MOXD1: variants seen among roughly 807,000 people sequenced by gnomAD.
MOXD1 encodes monooxygenase DBH like 1, also known as DBH-like monooxygenase protein 1.
In MOXD1, 62 loss-of-function variants were observed where a neutral mutation model predicts 66.6. The observed-to-expected ratio is 0.93, with a 90% CI of 0.76 to 1.15. The LOEUF (loss-of-function observed/expected upper bound fraction) is 1.15. Among genes scored for constraint, MOXD1 ranks in the 50% most tolerant of loss-of-function variants. MOXD1 has a pLI of 0.00. For synonymous variants in MOXD1, 303 were observed against 281.9 expected (o/e 1.07, Z -0.75); for missense variants, 847 against 754.6 (o/e 1.12, Z -1.44).
At position 132,364,430 on chromosome 6, in the gene MOXD1, G is replaced by A. The variant is rs147064761; in HGVS notation, c.663+8178C>T. On this transcript the variant is annotated intron_variant, in intron 4 of 11. Coordinates refer to ENST00000367963, the MANE Select transcript of MOXD1 (RefSeq NM_015529.4). Reference sequence around the variant, plus strand: ...GCAATGACGAGCCTATTATGCAACAGGTGTTTTCACTTGTTTTCATTTCAT... The same window carrying A: ...GCAATGACGAGCCTATTATGCAACAAGTGTTTTCACTTGTTTTCATTTCAT... Among the ~76,000 whole-genome samples the A allele has an allele frequency of 2.4e-3, 361 of 152,196 alleles. 4 individuals are homozygous for A. The highest frequency in any genetic ancestry group is 2.5e-3 in the East Asian group (13 of 5,180).
chr6:132,323,941 C>A lies in MOXD1; in HGVS notation c.1103G>T (p.Cys368Phe). The A allele has an allele frequency of 6.2e-7, 1 of 1,607,386 alleles. No homozygotes were observed. The highest frequency in any genetic ancestry group is 8.5e-7 in the Non-Finnish European group (1 of 1,177,928). ...TCAGATGCTGCATACCTCTTCCAGG[C>A]ACTCCAAAGTGCAGTGACCCTCAGA... ...FQSEGHCTLE[C>F]LEEALEAEKP... Residue 368 changes from cysteine to phenylalanine, a missense_variant, in exon 7 of 12, where the codon TGC becomes TTC. By Grantham distance (205) the Cys-to-Phe change is radical (BLOSUM62 -2). Transcript: ENST00000367963.
chr6:132,297,911 A>G lies in MOXD1; in HGVS notation c.1553T>C (p.Leu518Pro), dbSNP rs916791812. ...CTTATTCATAGCATCCATGAAAGAA[A>G]GGTTTTTATATTGCTTGGGACTTTT... ...IIKSPKQYKN[L>P]SFMDAMNKFK... The change falls in exon 11 of 12, where the codon CTT becomes CCT. Residue 518 changes from leucine to proline, a missense_variant. By Grantham distance (98) the Leu-to-Pro change is moderately conservative. Transcript: ENST00000367963. 4 of 1,612,936 alleles carry G rather than the reference A, an allele frequency of 2.5e-6. No individual in the cohort carries two copies. The highest frequency in any genetic ancestry group is 1.7e-4 in the Middle Eastern group (1 of 6,048).
At chr6:132,366,444 G>A (rs753188633) in intron 4 of MOXD1, among the ~76,000 whole-genome samples, 4 of 152,052 alleles carry the variant, frequency 2.6e-5, no homozygotes, top group South Asian at 2.1e-4. Context: ...AGAACTAGAC[G>A]GGGCAGTCTG....
chr6:132,343,216 T>C lies in MOXD1; in HGVS notation c.664-14622A>G, dbSNP rs557860504. On this transcript the variant is annotated intron_variant, in intron 4 of 11. Transcript: ENST00000367963. ...AACAAAAGGCTTAATTCCCTTAATATAAAAAGTTCTGATAAAACAAGTCAA... is the reference window on the plus strand; with the variant it reads ...AACAAAAGGCTTAATTCCCTTAATACAAAAAGTTCTGATAAAACAAGTCAA... Among the ~76,000 whole-genome samples the C allele has an allele frequency of 1.2e-4, 18 of 152,248 alleles. No individual in the cohort carries two copies. In the South Asian group the frequency reaches 3.5e-3, roughly 30 times the overall value.
At chr6:132,399,932 A>C (rs1431874332) in intron 1 of MOXD1, among the ~76,000 whole-genome samples, 2 of 152,264 alleles carry the variant, frequency 1.3e-5, no homozygotes, top group African/African-American at 4.8e-5. Flanking sequence ...ATATTTATAC[A>C]TCAGTGACTT....
intron 10 of MOXD1, among the ~76,000 whole-genome samples, chr6:132,310,064 C>T (rs990678779): frequency 1.3e-5 from 2 of 152,148 alleles, no homozygotes; most frequent in East Asian, 1.9e-4. Flanking sequence ...ATCAAAGAGA[C>T]AACCTACAGA....
chr6:132,307,859 G>A (rs1256208719), intron 10 of MOXD1, among the ~76,000 whole-genome samples: 1 of 152,040 alleles, frequency 6.6e-6, no homozygotes, highest in African/African-American at 2.4e-5. Flanking sequence ...CTGGGACACA[G>A]CTAAAGCAGT....
rs367826515 is a variant in MOXD1, at chr6:132,374,823, G to C, written c.265-46C>G. Reference sequence around the variant, plus strand: ...AAAAATCAGGATACCTAAATACAGAGAGAAAAGAATTCATAGGACCTTTAA... The same window carrying C: ...AAAAATCAGGATACCTAAATACAGACAGAAAAGAATTCATAGGACCTTTAA... On this transcript the variant is annotated intron_variant, in intron 1 of 11. Coordinates refer to ENST00000367963, the MANE Select transcript of MOXD1 (RefSeq NM_015529.4). 49 of 1,545,862 alleles carry C rather than the reference G, an allele frequency of 3.2e-5. No homozygotes were observed. In the Middle Eastern group the frequency reaches 6.9e-4, roughly 22 times the overall value.
rs1204643540 is a variant in MOXD1, at chr6:132,296,491, CT to C, written c.*661del. On this transcript the variant is annotated 3_prime_UTR_variant, in exon 12 of 12. Coordinates refer to ENST00000367963, the MANE Select transcript of MOXD1 (RefSeq NM_015529.4). ...GATAGTGACAGAGCTCTAGAAAAAA[CT>C]CATCTGGCCAGTACTAAACAGGGAA... is the stretch of plus-strand genomic sequence containing the variant. 1.3e-5 allele frequency: 2 copies of C among 152,128 alleles called. No individual in the cohort carries two copies. Among genetic ancestry groups the C allele is most frequent in the African/African-American group, 4.8e-5 (2 of 41,426 alleles). 9.4% of individuals were successfully genotyped at this position (152,128 alleles called of 1,614,324 possible). A position where few individuals can be genotyped will look rare whatever the true frequency, so the allele number is the denominator to read the frequency against.
At chr6:132,388,057 A>AT (rs1776687848) in intron 1 of MOXD1, among the ~76,000 whole-genome samples, 1 of 151,362 alleles carries the variant, frequency 6.6e-6, no homozygotes, top group Non-Finnish European at 1.5e-5. Context: ...TTTTTCAAAA[A>AT]TTACTATAAT....
rs1775458414 is a variant in MOXD1 at position 132,337,171 on chromosome 6, T to C, written c.664-8577A>G. 2.6e-5 allele frequency among the ~76,000 whole-genome samples: 4 copies of C among 152,374 alleles called. No homozygotes were observed. The South Asian group carries it at 8.3e-4, about 32-fold the overall frequency. ...TTATTTACTCAAGTTTTCCTCTTAA[T>C]AAATGAATCGATACATTCCTTTCTT... On this transcript the variant is annotated intron_variant, in intron 4 of 11. Coordinates refer to ENST00000367963, the MANE Select transcript of MOXD1 (RefSeq NM_015529.4).
intron 4 of MOXD1, among the ~76,000 whole-genome samples, chr6:132,339,864 G>A (rs1253103316): frequency 5.7e-5 from 8 of 140,378 alleles, no homozygotes; most frequent in Admixed American, 4.9e-4. Flanking sequence ...TGAAGCTACA[G>A]CTCTTTTTTT....
chr6:132,357,429 A>G (rs1248058941), intron 4 of MOXD1, among the ~76,000 whole-genome samples: 1 of 152,114 alleles, frequency 6.6e-6, no homozygotes, highest in African/African-American at 2.4e-5. Context: ...GCCTTACTAA[A>G]CAAATCAGGT....
intron 1 of MOXD1, among the ~76,000 whole-genome samples, chr6:132,399,595 A>G (rs1776974720): frequency 6.6e-6 from 1 of 152,202 alleles, no homozygotes; most frequent in African/African-American, 2.4e-5. Flanking sequence ...TTTTCATTTG[A>G]CATACAATTG....
chr6:132,378,320 C>T (rs1011503886), intron 1 of MOXD1, among the ~76,000 whole-genome samples: 2 of 152,038 alleles, frequency 1.3e-5, no homozygotes, highest in Admixed American at 1.3e-4. Context: ...GAAGACACCT[C>T]CCAAAACAAA....
chr6:132,340,483 G>T, intron 4 of MOXD1, among the ~76,000 whole-genome samples: 1 of 145,918 alleles, frequency 6.9e-6, no homozygotes, highest in Non-Finnish European at 1.5e-5. Context: ...AATAGGTTAA[G>T]GTGGAAATTT....
rs769081184 is a variant in MOXD1, at chr6:132,328,079, C to T, written c.880G>A (p.Gly294Ser). 1 of 1,613,738 alleles carries T rather than the reference C, an allele frequency of 6.2e-7. No homozygotes were observed. Among genetic ancestry groups the T allele is most frequent in the Non-Finnish European group, 8.5e-7 (1 of 1,179,810 alleles). ...SYPPHVGLSL[G>S]TPLDPHYVLL... ...ACATAATGCGGATCTAATGGAGTGC[C>T]AAGGGATAATCCAACATGAGGTGGA... The change falls in exon 6 of 12, where the codon GGC (glycine) becomes AGC (serine). Residue 294 changes from glycine (G) to serine (S), a missense_variant. Gly to Ser is a moderately conservative substitution (Grantham distance 56, BLOSUM62 0). Transcript: ENST00000367963.
rs1562290159 is a variant in MOXD1, at chr6:132,349,484, T to TATATATATAC, written c.664-20891_664-20890insGTATATATAT. ...ATATATACATATATATATATATACA[T>TATATATATAC]ATATATATATACCACAGTTTCTTTA... On this transcript the variant is annotated intron_variant, in intron 4 of 11. Transcript: ENST00000367963. Among the ~76,000 whole-genome samples the TATATATATAC allele has an allele frequency of 7.1e-4, 21 of 29,786 alleles. 3 individuals are homozygous for TATATATATAC. The highest frequency in any genetic ancestry group is 5.7e-3 in the East Asian group (8 of 1,396). 19.5% of individuals were successfully genotyped at this position (29,786 alleles called of 152,430 possible). A position where few individuals can be genotyped will look rare whatever the true frequency, so the allele number is the denominator to read the frequency against.
chr6:132,297,313 T>C lies in MOXD1; in HGVS notation c.1682A>G (p.Gln561Arg). 6.2e-7 allele frequency: 1 copy of C among 1,612,256 alleles called. No individual in the cohort carries two copies. The change falls in exon 12 of 12, where the codon CAA becomes CGA. Residue 561 changes from glutamine (Q) to arginine (R), a missense_variant. Coordinates refer to ENST00000367963, the MANE Select transcript of MOXD1 (RefSeq NM_015529.4). ...SKTDNAEWSI[Q>R]GMTALPPDIE... is the part of the protein sequence containing the mutation. ...ATCTGGAGGTAATGCTGTCATTCCT[T>C]GAATCTGAAAATGGAAGCACAAACA...
Sources: gnomAD v4.1 joint callset for allele counts (sites outside exome capture counted in the v4.1 genomes callset) on GRCh38, gnomAD v4.1.1 for gene constraint, MANE v1.5 for transcripts, NCBI Gene and HGNC (gene_info 2026-07-23, HGNC 2026-07-21) for gene names.